CDC37: variants seen among roughly 807,000 people sequenced by gnomAD.
CDC37 encodes hsp90 co-chaperone Cdc37.
A neutral mutation model predicts 46.9 loss-of-function variants in CDC37; 9 were observed. That is an observed-to-expected ratio of 0.19 (90% CI 0.12 to 0.33). The LOEUF is 0.33. CDC37 is among the 10% of genes least tolerant of loss of function. The pLI, the probability that CDC37 is intolerant of heterozygous loss-of-function variation, is 1.00. For missense variants in CDC37, 388 were observed against 514.6 expected (o/e 0.75, Z 2.38); for synonymous variants, 193 against 191.0 (o/e 1.01, Z -0.09).
chr19:10,395,621 G>A (rs1434646865), intron 2 of CDC37, 78 bp from the exon 3 acceptor site: 2 of 1,143,906 alleles, frequency 1.7e-6, no homozygotes, highest in Admixed American at 1.7e-5. Flanking sequence ...GGCCGTGGTC[G>A]CAGCGCCCAT....
chr19:10,400,700 A>T (rs757600310), intron 1 of CDC37: 1 of 151,984 alleles, frequency 6.6e-6, no homozygotes, highest in African/African-American at 2.4e-5. Context: ...CTGTCTCGAA[A>T]AAAAAAAGAG....
chr19:10,397,593 A>G (rs1025714142), intron 1 of CDC37, among the ~76,000 whole-genome samples: 1 of 151,890 alleles, frequency 6.6e-6, no homozygotes, highest in African/African-American at 2.4e-5. Flanking sequence ...TATTTTTAAT[A>G]GAGACGGGGT....
In CDC37 at chr19:10,397,923, CCT is replaced by C. The variant is rs201417073; in HGVS notation, c.103-1722_103-1721del. On this transcript the variant is annotated intron_variant, in intron 1 of 7. Coordinates refer to ENST00000222005, the MANE Select transcript of CDC37 (RefSeq NM_007065.4). ...CAGGCTCCTGGTCCCCGCCTCACTC[CCT>C]GTCTCCCTCAGACCTCCATCTGGGC... Among the ~76,000 whole-genome samples the C allele has an allele frequency of 4.8e-3, 730 of 152,260 alleles. 3 individuals carry two copies. Among genetic ancestry groups the C allele is most frequent in the African/African-American group, 0.015 (631 of 41,536 alleles).
chr19:10,400,173 G>A (rs2042511659), intron 1 of CDC37, among the ~76,000 whole-genome samples: 1 of 152,044 alleles, frequency 6.6e-6, no homozygotes, highest in Middle Eastern at 3.2e-3. Flanking sequence ...GGGAGGGGCT[G>A]TAGCAGGCTG....
chr19:10,395,631 T>G, intron 2 of CDC37, 88 bp from the exon 3 acceptor site: 1 of 1,068,890 alleles, frequency 9.4e-7, no homozygotes, highest in Non-Finnish European at 1.5e-6. Context: ...GCAGCGCCCA[T>G]CCCATCCACG....
At chr19:10,392,247 T>C (rs892023558) in intron 7 of CDC37, among the ~76,000 whole-genome samples, 3 of 152,202 alleles carry the variant, frequency 2.0e-5, no homozygotes, top group African/African-American at 7.2e-5. Context: ...TCAACTCTGC[T>C]GTGGTAGAGC....
In CDC37 at chr19:10,403,002, G is replaced by A. The variant is rs556488355; in HGVS notation, c.102+376C>T. Among the ~76,000 whole-genome samples the A allele has an allele frequency of 2.0e-5, 3 of 152,268 alleles. No individual in the cohort carries two copies. In the East Asian group the frequency reaches 5.8e-4, roughly 29 times the overall value. The stretch of plus-strand genomic sequence containing the variant: ...AGATAGGAAGTGAATACCCGAATAG[G>A]ATGAGGGATCATCTAGAAGAATTTG... On this transcript the variant is annotated intron_variant, in intron 1 of 7. Transcript: ENST00000222005.
chr19:10,401,958 C>T (rs1599383410), intron 1 of CDC37, among the ~76,000 whole-genome samples: 1 of 152,008 alleles, frequency 6.6e-6, no homozygotes, highest in Non-Finnish European at 1.5e-5. Flanking sequence ...AGTTCAAGAC[C>T]AGCCTGACCA....
At chr19:10,402,768 ACGGTT>A (rs2042526656) in intron 1 of CDC37, among the ~76,000 whole-genome samples, 1 of 151,984 alleles carries the variant, frequency 6.6e-6, no homozygotes, top group Non-Finnish European at 1.5e-5. Flanking sequence ...CTGAAGGGGG[ACGGTT>A]CTACACTCTA....
chr19:10,395,688 G>A (rs1465118777), intron 2 of CDC37, 145 bp from the exon 3 acceptor site: 1 of 817,902 alleles, frequency 1.2e-6, no homozygotes, highest in Admixed American at 2.0e-5. Context: ...CGGGAGCGTG[G>A]GCATGGGCCT....
rs1470790409 is a variant in CDC37 at position 10,393,324 on chromosome 19, C to T, written c.844G>A (p.Glu282Lys). ...EKAMKEYEEEERKKRLGPGGL... is the reference protein window; with the variant it reads ...EKAMKEYEEEKRKKRLGPGGL... ...CCGGGGCCGAGCCGCTTCTTGCGCT[C>T]CTCCTCCTCGTACTCCTTCATGGCC... is the stretch of plus-strand genomic sequence containing the variant. The change falls in exon 6 of 8, where the codon GAG becomes AAG. Residue 282 changes from glutamate to lysine, a missense_variant. Transcript: ENST00000222005. This position sits in a 1 kb window ranked among gnomAD's most constrained non-coding sequence, Gnocchi z 4.9. The T allele has an allele frequency of 1.7e-5, 27 of 1,613,994 alleles. No homozygotes were observed. The highest frequency in any genetic ancestry group is 2.3e-5 in the Non-Finnish European group (27 of 1,179,952).
At chr19:10,399,356 C>CT (rs953550643) in intron 1 of CDC37, among the ~76,000 whole-genome samples, 3 of 150,064 alleles carry the variant, frequency 2.0e-5, no homozygotes, top group Non-Finnish European at 4.4e-5. Flanking sequence ...GCAATCCCAG[C>CT]TACTCCAGAG....
At chr19:10,394,004 C>T (rs1419894576) in intron 5 of CDC37, among the ~76,000 whole-genome samples, 2 of 152,124 alleles carry the variant, frequency 1.3e-5, no homozygotes, top group African/African-American at 4.8e-5. Context: ...GCTGGAGGAT[C>T]GCTTGAACCC....
At chr19:10,392,506 A>G (rs1453120458) in intron 7 of CDC37, among the ~76,000 whole-genome samples, 1 of 152,176 alleles carries the variant, frequency 6.6e-6, no homozygotes, top group Non-Finnish European at 1.5e-5. Context: ...TGTCCTACTT[A>G]GATTCAACGT....
intron 7 of CDC37, among the ~76,000 whole-genome samples, chr19:10,392,166 C>A (rs963310510): frequency 2.0e-5 from 3 of 152,014 alleles, no homozygotes; most frequent in African/African-American, 7.3e-5. Context: ...CAAAAGCCAG[C>A]AAATTTTTTT....
chr19:10,401,460 C>G (rs935179991), intron 1 of CDC37, among the ~76,000 whole-genome samples: 1 of 152,168 alleles, frequency 6.6e-6, no homozygotes, highest in Admixed American at 6.6e-5. Context: ...CCCTCCCACC[C>G]GGCAGGACCA....
chr19:10,395,060 G>A lies in CDC37; in HGVS notation c.687C>T (p.Asp229=). The A allele has an allele frequency of 6.5e-7, 1 of 1,539,058 alleles. No homozygotes were observed. The highest frequency in any genetic ancestry group is 8.8e-7 in the Non-Finnish European group (1 of 1,140,738). Residue 229 remains aspartate, a synonymous_variant, in exon 5 of 8, where the codon GAC becomes GAT. Coordinates refer to ENST00000222005, the MANE Select transcript of CDC37 (RefSeq NM_007065.4). ...ILELAKSLKV[D]PRACFRQFFT... ...AGAACTGCCGGAAGCAGGCCCGGGG[G>A]TCCACCTTTAGGCTCTTGGCCAGCT...
In CDC37 at chr19:10,391,141, G is replaced by A; in HGVS notation, c.*410C>T. 1 of 256,578 alleles carries A rather than the reference G, an allele frequency of 3.9e-6. No individual in the cohort carries two copies. Among genetic ancestry groups the A allele is most frequent in the Non-Finnish European group, 7.8e-6 (1 of 128,618 alleles). 15.9% of individuals were successfully genotyped at this position (256,578 alleles called of 1,614,324 possible). On this transcript the variant is annotated 3_prime_UTR_variant, in exon 8 of 8. Coordinates refer to ENST00000222005, the MANE Select transcript of CDC37 (RefSeq NM_007065.4). ...CCTCCCAGCAGCCCAGAGAGCATCT[G>A]AAATCTTTTATTGGAAGATCATTGC... is the stretch of plus-strand genomic sequence containing the variant.
chr19:10,395,552 G>A lies in CDC37; in HGVS notation c.379-9C>T, dbSNP rs1568354617. 7 of 1,597,688 alleles carry A rather than the reference G, an allele frequency of 4.4e-6. No individual in the cohort carries two copies. Among genetic ancestry groups the A allele is most frequent in the Non-Finnish European group, 3.4e-6 (4 of 1,164,936 alleles). ...TTGGTATTTACCATGCTCTGTGGTA[G>A]GGTGAGAGGGGGAGTGGGCTGGGGC... On this transcript the variant is annotated splice_polypyrimidine_tract_variant and intron_variant, in intron 2 of 7. Transcript: ENST00000222005.
Sources: allele counts gnomAD v4.1 joint callset (sites outside exome capture counted in the v4.1 genomes callset), GRCh38; gene constraint gnomAD v4.1.1; non-coding constraint Gnocchi (gnomAD v3.1); transcripts MANE v1.5; gene names NCBI Gene and HGNC (gene_info 2026-07-23, HGNC 2026-07-21).